Variants in DENND4C observed in about 807,000 individuals in gnomAD.
The protein encoded by DENND4C is DENN domain containing 4C, also known as DENN domain-containing protein 4C.
Under a neutral mutation model 203.0 loss-of-function variants are expected in DENND4C, and 108 were observed. The ratio of observed to expected loss-of-function variants is 0.53; its 90% CI spans 0.46 to 0.62. The LOEUF (loss-of-function observed/expected upper bound fraction) is 0.62, where lower values mean the gene tolerates loss of function less well. Among genes scored for constraint, DENND4C ranks in the 20% least tolerant of loss-of-function variants. The probability of loss-of-function intolerance (pLI) is 0.00; values close to 1 mark genes in which losing one functional copy is unlikely to be tolerated. For missense variants in DENND4C, 2,481 were observed against 2,301.2 expected, an observed-to-expected ratio of 1.08 and a Z score of -1.60; for synonymous variants, 871 against 792.4, an observed-to-expected ratio of 1.10 and a Z score of -1.67.
intron 30 of DENND4C, among the ~76,000 whole-genome samples, chr9:19,363,452 C>T (rs1482096054): frequency 2.6e-5 from 4 of 151,812 alleles, no homozygotes; most frequent in African/African-American, 9.7e-5. Context: ...GCGGAGGTTG[C>T]AGTGAGCCAA....
intron 12 of DENND4C, among the ~76,000 whole-genome samples, chr9:19,319,342 ATATATATACT>A (rs1244278016): frequency 1.1e-4 from 8 of 72,248 alleles, no homozygotes; most frequent in African/African-American, 2.9e-4. Context: ...ATATACACAT[ATATATATACT>A]TATATATACA....
At chr9:19,345,794 C>T in intron 22 of DENND4C, 127 bp from the exon 23 acceptor site, 2 of 867,034 alleles carry the variant, frequency 2.3e-6, no homozygotes, top group South Asian at 4.6e-5. Flanking sequence ...TTCTTTATGG[C>T]CTCTAAATTT....
intron 30 of DENND4C, among the ~76,000 whole-genome samples, chr9:19,367,222 C>T (rs1827860925): frequency 6.6e-6 from 1 of 152,132 alleles, no homozygotes; most frequent in East Asian, 1.9e-4. Flanking sequence ...GAAAGTGGAA[C>T]CCTCAGACAC....
chr9:19,319,381 C>CATATATATATACATATATATATACACAT (rs1842462957), intron 12 of DENND4C, among the ~76,000 whole-genome samples: 1 of 135,300 alleles, frequency 7.4e-6, no homozygotes, highest in Non-Finnish European at 1.5e-5. Context: ...TATACACATA[C>CATATATATATACATATATATATACACAT]ATATATATAT....
chr9:19,323,819 A>G (rs968094580), intron 12 of DENND4C, among the ~76,000 whole-genome samples: 1 of 152,170 alleles, frequency 6.6e-6, no homozygotes, highest in Non-Finnish European at 1.5e-5. Flanking sequence ...ATTTCAGTGA[A>G]GAGTTTGATA....
intron 1 of DENND4C, among the ~76,000 whole-genome samples, chr9:19,244,537 G>C (rs143236632): frequency 0.015 from 2,207 of 151,332 alleles, 50 homozygotes; most frequent in African/African-American, 0.051. Flanking sequence ...TCAAGAGATC[G>C]AGACCATCCT....
Position 19,335,030 on chromosome 9 carries a change from A to G in DENND4C, c.2514A>G (p.Leu838=), listed in dbSNP as rs748139156. ...QLCGLWGHPV[L]AVRVLFEMKT... is the part of the protein sequence containing the mutation. ...GTGGACTTTGGGGTCATCCTGTTTT[A>G]GCAGTGAGAGTCTTATTTGAAATGA... is the stretch of plus-strand genomic sequence containing the variant. Residue 838 remains leucine, a synonymous_variant, in exon 18 of 33, where the codon TTA becomes TTG. Transcript: ENST00000434457. 6.2e-7 allele frequency: 1 copy of G among 1,611,826 alleles called. No individual in the cohort carries two copies. The highest frequency in any genetic ancestry group is 1.1e-5 in the South Asian group (1 of 90,912).
rs558436300 is a variant in DENND4C, at chr9:19,234,109, G to A, written c.-18+3276G>A. Among the ~76,000 whole-genome samples the A allele has an allele frequency of 8.5e-5, 13 of 152,116 alleles. No homozygotes were observed. In the South Asian group the frequency reaches 1.5e-3, roughly 17 times the overall value. ...AATTTAACATGCTTTCCCTGTTGCT[G>A]TATATTACTGTTATTTTATGGCTTT... On this transcript the variant is annotated intron_variant, in intron 1 of 32. Transcript: ENST00000434457.
intron 32 of DENND4C, 99 bp downstream of exon 32, chr9:19,371,919 A>T: frequency 7.6e-7 from 1 of 1,318,412 alleles, no homozygotes; most frequent in Non-Finnish European, 1.1e-6. Context: ...GATTTAAAAG[A>T]TTTCTACTTC....
chr9:19,286,476 CAT>C (rs1835242196), intron 2 of DENND4C, among the ~76,000 whole-genome samples: 1 of 152,038 alleles, frequency 6.6e-6, no homozygotes, highest in South Asian at 2.1e-4. Flanking sequence ...TTTCTTTTTT[CAT>C]ATGTTTCTTA....
In DENND4C at chr9:19,360,874, T is replaced by C. The variant is rs138605101; in HGVS notation, c.5406+385T>C. Among the ~76,000 whole-genome samples, 485 of 152,298 alleles carry C rather than the reference T, an allele frequency of 3.2e-3. 1 individual carries two copies. The highest frequency in any genetic ancestry group is 5.0e-3 in the Non-Finnish European group (342 of 68,026). ...TATTTTCTTGGCCTGAACTCAGTTA[T>C]TAGGTCATATCTGTCTGCAAGGGTA... On this transcript the variant is annotated intron_variant, in intron 29 of 32. Transcript: ENST00000434457.
chr9:19,374,165 C>G lies in DENND4C; in HGVS notation c.*1992C>G, dbSNP rs565981273. 6.6e-6 allele frequency among the ~76,000 whole-genome samples: 1 copy of G among 152,116 alleles called. No individual in the cohort carries two copies. Among genetic ancestry groups the G allele is most frequent in the African/African-American group, 2.4e-5 (1 of 41,506 alleles). On this transcript the variant is annotated 3_prime_UTR_variant, in exon 33 of 33. Transcript: ENST00000434457. Reference sequence around the variant, plus strand: ...CATTAAGCCTCTTGAAATCTGTAATCTTTAGAATCCCAATATTTTGTTTTT... The same window carrying G: ...CATTAAGCCTCTTGAAATCTGTAATGTTTAGAATCCCAATATTTTGTTTTT...
chr9:19,259,505 C>CTTTTTTTTTTTT (rs1021585159), intron 1 of DENND4C, among the ~76,000 whole-genome samples: 2 of 131,472 alleles, frequency 1.5e-5, no homozygotes, highest in African/African-American at 2.8e-5. Context: ...TTTCTTTTTT[C>CTTTTTTTTTTTT]TTTTTTTTTT....
chr9:19,253,452 A>G (rs186199822), intron 1 of DENND4C, among the ~76,000 whole-genome samples: 194 of 152,306 alleles, frequency 1.3e-3, no homozygotes, highest in Non-Finnish European at 1.7e-3. Flanking sequence ...AAAGGAACTG[A>G]TTTTATCTGA....
intron 3 of DENND4C, among the ~76,000 whole-genome samples, chr9:19,287,734 T>A (rs1835473955): frequency 9.6e-5 from 1 of 10,402 alleles, no homozygotes; most frequent in African/African-American, 1.1e-4. Flanking sequence ...CAGTTTTGCA[T>A]ACTTATTTTT....
intron 22 of DENND4C, among the ~76,000 whole-genome samples, chr9:19,343,910 C>T (rs938772056): frequency 2.0e-5 from 3 of 152,132 alleles, no homozygotes; most frequent in South Asian, 4.1e-4. Flanking sequence ...CGTTAAATTC[C>T]TTGGAAATAC....
At position 19,373,702 on chromosome 9, in the gene DENND4C, T is replaced by C. The variant is rs1169965247; in HGVS notation, c.*1529T>C. On this transcript the variant is annotated 3_prime_UTR_variant, in exon 33 of 33. Coordinates refer to ENST00000434457, the MANE Select transcript of DENND4C (RefSeq NM_001330640.2). ...TCCCTTAGGAACAGTAAGTTTGCCT[T>C]AACTCTCTGCATGGTTTAAAAAGCC... 6.6e-6 allele frequency among the ~76,000 whole-genome samples: 1 copy of C among 152,200 alleles called. No homozygotes were observed. Among genetic ancestry groups the C allele is most frequent in the Non-Finnish European group, 1.5e-5 (1 of 68,022 alleles).
chr9:19,262,313 C>A (rs1440868964), intron 1 of DENND4C, among the ~76,000 whole-genome samples: 2 of 151,944 alleles, frequency 1.3e-5, no homozygotes, highest in African/African-American at 4.8e-5. Context: ...GTCTTGAACT[C>A]CTGACCTCAG....
Position 19,332,965 on chromosome 9 carries a change from T to C in DENND4C, c.2460+781T>C, listed in dbSNP as rs867571470. Among the ~76,000 whole-genome samples, 22 of 150,728 alleles carry C rather than the reference T, an allele frequency of 1.5e-4. 1 individual carries two copies. The Middle Eastern group carries it at 0.014, about 96-fold the overall frequency. On this transcript the variant is annotated intron_variant, in intron 17 of 32. Transcript: ENST00000434457. ...GGAATAGGCTTTTAGTAAGTGGCTC[T>C]CCACTTAGGACCTGTGTCCTAAGGT...
Sources: allele counts gnomAD v4.1 joint callset (sites outside exome capture counted in the v4.1 genomes callset), GRCh38; gene constraint gnomAD v4.1.1; transcripts MANE v1.5; gene names NCBI Gene and HGNC (gene_info 2026-07-23, HGNC 2026-07-21).